The following FIP1L1 variants were observed in gnomAD, a reference collection of about 807,000 sequenced individuals.
FIP1L1 encodes factor interacting with PAPOLA and CPSF1.
FIP1L1 carries 21 observed loss-of-function variants against 84.6 expected under a neutral mutation model. The ratio of observed to expected loss-of-function variants is 0.25; its 90% CI spans 0.18 to 0.36. The LOEUF (loss-of-function observed/expected upper bound fraction) is 0.36, where lower values mean the gene tolerates loss of function less well. Among genes scored for constraint, FIP1L1 ranks in the 10% least tolerant of loss-of-function variants. The pLI, the probability that FIP1L1 is intolerant of heterozygous loss-of-function variation, is 1.00. For missense variants in FIP1L1, 526 were observed against 751.1 expected (o/e 0.70, Z 3.50); for synonymous variants, 263 against 242.3 (o/e 1.09, Z -0.80).
At chr4:53,417,642 C>CA (rs57635694) in intron 11 of FIP1L1, among the ~76,000 whole-genome samples, 16,439 of 46,306 alleles carry the variant, frequency 0.36, 4,548 homozygotes, top group Non-Finnish European at 0.47. Flanking sequence ...AACTCCTTCT[C>CA]AAAAAAAAAA....
In FIP1L1 at chr4:53,441,583, A is replaced by G. The variant is rs551929071; in HGVS notation, c.1175-1070A>G. Among the ~76,000 whole-genome samples the G allele has an allele frequency of 9.2e-5, 14 of 152,096 alleles. No homozygotes were observed. The South Asian group carries it at 2.7e-3, about 29-fold the overall frequency. On this transcript the variant is annotated intron_variant, in intron 13 of 17. Transcript: ENST00000337488. The stretch of plus-strand genomic sequence containing the variant: ...TTTAATAGAGGAATTATAGATCCTA[A>G]CACTGGATACAGTGAAGAACATGGT...
Position 53,409,320 on chromosome 4 carries a change from A to T in FIP1L1, c.816-5295A>T, listed in dbSNP as rs188274254. 8.8e-3 allele frequency among the ~76,000 whole-genome samples: 1,343 copies of T among 152,270 alleles called. 22 individuals are homozygous for T. The highest frequency in any genetic ancestry group is 0.03 in the African/African-American group (1,266 of 41,552). On this transcript the variant is annotated intron_variant, in intron 10 of 17. Transcript: ENST00000337488. ...GGCTGCAGAACAGCGGATTTTCGTG[A>T]ACCGCGAATGCTGCTGTCTGATCGT...
chr4:53,389,796 T>G lies in FIP1L1; in HGVS notation c.333-13T>G. The G allele has an allele frequency of 1.3e-6, 2 of 1,594,958 alleles. No homozygotes were observed. The highest frequency in any genetic ancestry group is 8.5e-7 in the Non-Finnish European group (1 of 1,173,026). ...AGGATAATTTCTGTTTTTTTTTGTT[T>G]GTTTGTTTTTAGGAGTTATGGTACA... is the stretch of plus-strand genomic sequence containing the variant. On this transcript the variant is annotated splice_polypyrimidine_tract_variant and intron_variant, in intron 5 of 17. Coordinates refer to ENST00000337488, the MANE Select transcript of FIP1L1 (RefSeq NM_030917.4).
intron 1 of FIP1L1, 163 bp downstream of exon 1, chr4:53,378,086 C>T: frequency 3.5e-6 from 2 of 571,066 alleles, no homozygotes; most frequent in Non-Finnish European, 2.9e-6. Flanking sequence ...TGCCCCCAGT[C>T]CCCGCGGCGG....
chr4:53,460,148 C>T lies in FIP1L1; in HGVS notation c.*699C>T, dbSNP rs1163586901. The T allele has an allele frequency of 5.0e-6, 1 of 198,976 alleles. No homozygotes were observed. The highest frequency in any genetic ancestry group is 1.0e-5 in the Non-Finnish European group (1 of 96,320). 12.3% of individuals were successfully genotyped at this position (198,976 alleles called of 1,614,324 possible). ...AATTTAAATCGCCTCATGACCATGT[C>T]TGTGAGCCAGGGTCAAGCTGGTTTG... On this transcript the variant is annotated 3_prime_UTR_variant, in exon 18 of 18. Transcript: ENST00000337488.
chr4:53,440,742 C>G, intron 13 of FIP1L1: 1 of 687,494 alleles, frequency 1.5e-6, no homozygotes. Flanking sequence ...CTATTTTCAG[C>G]TCTGCCTTTG....
intron 3 of FIP1L1, among the ~76,000 whole-genome samples, chr4:53,379,673 C>T (rs1280052899): frequency 6.6e-6 from 1 of 152,088 alleles, no homozygotes; most frequent in Non-Finnish European, 1.5e-5. Context: ...GATATAATGG[C>T]AGTTTGGTTG....
At chr4:53,445,453 A>T (rs147857021) in intron 15 of FIP1L1, among the ~76,000 whole-genome samples, 100 of 152,346 alleles carry the variant, frequency 6.6e-4, no homozygotes, top group African/African-American at 2.3e-3. Flanking sequence ...GTTTATTAAC[A>T]TGTATACCTC....
chr4:53,409,849 C>T (rs1756171521), intron 10 of FIP1L1, among the ~76,000 whole-genome samples: 1 of 152,204 alleles, frequency 6.6e-6, no homozygotes, highest in Non-Finnish European at 1.5e-5. Flanking sequence ...TGGAAAAGCG[C>T]AGTATTAGGG....
At chr4:53,446,908 C>T (rs891321194) in intron 15 of FIP1L1, among the ~76,000 whole-genome samples, 3 of 152,042 alleles carry the variant, frequency 2.0e-5, no homozygotes, top group African/African-American at 7.2e-5. Flanking sequence ...CCCACTCTTT[C>T]CTGCCCCCAA....
At chr4:53,454,952 GTGTAGCT>G (rs1169762198) in intron 16 of FIP1L1, among the ~76,000 whole-genome samples, 1 of 152,116 alleles carries the variant, frequency 6.6e-6, no homozygotes, top group Non-Finnish European at 1.5e-5. Context: ...GGATAGCTTG[GTGTAGCT>G]TCTACATCAG....
intron 10 of FIP1L1, among the ~76,000 whole-genome samples, chr4:53,401,963 G>C (rs1366449729): frequency 6.6e-6 from 1 of 152,178 alleles, no homozygotes; most frequent in Admixed American, 6.5e-5. Context: ...TGATAGAGAA[G>C]TGGTAAGAGA....
intron 11 of FIP1L1, among the ~76,000 whole-genome samples, chr4:53,417,657 A>AAG (rs923809053): frequency 1.3e-5 from 2 of 150,206 alleles, no homozygotes; most frequent in African/African-American, 4.9e-5. Flanking sequence ...AAAAAAAAAA[A>AAG]AAAAAAAAAG....
intron 16 of FIP1L1, among the ~76,000 whole-genome samples, chr4:53,455,700 A>C (rs1718548015): frequency 6.6e-6 from 1 of 152,088 alleles, no homozygotes; most frequent in Admixed American, 6.6e-5. Context: ...AAAAAAATTG[A>C]TATCGATGCA....
chr4:53,418,279 C>A (rs1420054697), intron 11 of FIP1L1, among the ~76,000 whole-genome samples: 1 of 140,482 alleles, frequency 7.1e-6, no homozygotes, highest in Non-Finnish European at 1.6e-5. Context: ...CCAACCTGGT[C>A]TCTAAATAAA....
At chr4:53,456,490 A>G (rs1719041322) in intron 16 of FIP1L1, among the ~76,000 whole-genome samples, 1 of 152,156 alleles carries the variant, frequency 6.6e-6, no homozygotes, top group Non-Finnish European at 1.5e-5. Flanking sequence ...CCCAGGAAAA[A>G]ATTACACTCT....
chr4:53,414,478 A>T, intron 10 of FIP1L1, 137 bp from the exon 11 acceptor site: 1 of 549,192 alleles, frequency 1.8e-6, no homozygotes, highest in South Asian at 2.5e-5. Context: ...CAAGTAGTTT[A>T]TATGACTTGA....
chr4:53,425,817 A>T, intron 11 of FIP1L1, 55 bp from the exon 12 acceptor site: 1 of 1,271,646 alleles, frequency 7.9e-7, no homozygotes, highest in East Asian at 2.4e-5. Context: ...TGCTTTTATT[A>T]TTTTTTAAGC....
chr4:53,408,849 C>A (rs1008131589), intron 10 of FIP1L1, among the ~76,000 whole-genome samples: 1 of 152,200 alleles, frequency 6.6e-6, no homozygotes, highest in Non-Finnish European at 1.5e-5. Context: ...GCTCTGTCAG[C>A]TCCTTTAAGC....
Sources: gnomAD v4.1 joint callset for allele counts (sites outside exome capture counted in the v4.1 genomes callset) on GRCh38, gnomAD v4.1.1 for gene constraint, MANE v1.5 for transcripts, NCBI Gene and HGNC (gene_info 2026-07-23, HGNC 2026-07-21) for gene names.